The following ARHGAP24 variants were observed in gnomAD, a reference collection of about 807,000 sequenced individuals.
The protein encoded by ARHGAP24 is rho GTPase-activating protein 24.
ARHGAP24 carries 50 observed loss-of-function variants against 76.4 expected under a neutral mutation model. That is an observed-to-expected ratio of 0.65 (90% CI 0.52 to 0.83). ARHGAP24 has a LOEUF of 0.83. Ranked by LOEUF, ARHGAP24 falls within the 40% of genes least tolerant of loss-of-function variation. ARHGAP24 has a pLI of 0.00. For missense variants in ARHGAP24, 930 were observed against 914.2 expected (o/e 1.02, Z -0.22); for synonymous variants, 345 against 323.3 (o/e 1.07, Z -0.72).
intron 3 of ARHGAP24, among the ~76,000 whole-genome samples, chr4:85,818,652 C>T (rs12498568): frequency 0.12 from 19,013 of 152,144 alleles, 1,417 homozygotes; most frequent in South Asian, 0.19. Flanking sequence ...TCCCTCTGCT[C>T]CTGATATTGC....
chr4:85,906,464 C>T (rs1327615102), intron 3 of ARHGAP24, among the ~76,000 whole-genome samples: 1 of 152,180 alleles, frequency 6.6e-6, no homozygotes, highest in African/African-American at 2.4e-5. Flanking sequence ...TTAATTCTGA[C>T]ATTTTGCTCA....
intron 2 of ARHGAP24, among the ~76,000 whole-genome samples, chr4:85,655,627 C>G (rs1034858363): frequency 1.3e-5 from 2 of 151,614 alleles, no homozygotes; most frequent in South Asian, 2.1e-4. Flanking sequence ...ACTAAAAATA[C>G]AAAAATTAGC....
chr4:85,591,792 A>C (rs111349646), intron 2 of ARHGAP24, among the ~76,000 whole-genome samples: 1 of 152,168 alleles, frequency 6.6e-6, no homozygotes, highest in African/African-American at 2.4e-5. Flanking sequence ...AGTCAAAACT[A>C]TGTCAAAGGA....
intron 5 of ARHGAP24, among the ~76,000 whole-genome samples, chr4:85,959,181 C>T (rs925523616): frequency 1.3e-5 from 2 of 152,184 alleles, no homozygotes; most frequent in Non-Finnish European, 2.9e-5. Flanking sequence ...TTATTCATGC[C>T]TCCCCTTTTT....
intron 3 of ARHGAP24, among the ~76,000 whole-genome samples, chr4:85,887,369 A>G (rs1045728644): frequency 6.6e-6 from 1 of 152,126 alleles, no homozygotes; most frequent in Admixed American, 6.5e-5. Context: ...ATGTCTATTA[A>G]GAATTATTAA....
Position 85,510,336 on chromosome 4 carries a change from G to A in ARHGAP24, c.-21+34777G>A, listed in dbSNP as rs1313591951. On this transcript the variant is annotated intron_variant, in intron 1 of 9. Transcript: ENST00000395184. ...CCTGAGGAAAATATTTGCTATGCAT[G>A]CCAATGAACAGAAAGACCAAATTTC... Among the ~76,000 whole-genome samples, 3 of 152,058 alleles carry A rather than the reference G, an allele frequency of 2.0e-5. No individual in the cohort carries two copies. The East Asian group carries it at 5.8e-4, about 29-fold the overall frequency.
chr4:85,895,002 A>AAAAAAAAAAAAAAAAAAAAAAAAAAAAAC (rs1734090524), intron 3 of ARHGAP24, among the ~76,000 whole-genome samples: 1 of 11,528 alleles, frequency 8.7e-5, no homozygotes. Flanking sequence ...AACAAAAAGC[A>AAAAAAAAAAAAAAAAAAAAAAAAAAAAAC]AAAAAAAAAA....
intron 2 of ARHGAP24, among the ~76,000 whole-genome samples, chr4:85,689,709 G>A (rs977444932): frequency 1.3e-5 from 2 of 152,108 alleles, no homozygotes; most frequent in African/African-American, 4.8e-5. Context: ...TTAGTACATT[G>A]ACGATGTATC....
At chr4:85,714,345 T>G (rs1724653181) in intron 2 of ARHGAP24, among the ~76,000 whole-genome samples, 1 of 152,128 alleles carries the variant, frequency 6.6e-6, no homozygotes, top group South Asian at 2.1e-4. Flanking sequence ...CTCCTGTTAG[T>G]CTCCTAGGAT....
intron 8 of ARHGAP24, among the ~76,000 whole-genome samples, chr4:85,985,178 C>T (rs146684890): frequency 2.0e-5 from 3 of 152,034 alleles, no homozygotes; most frequent in Admixed American, 2.0e-4. Context: ...AAGACACATG[C>T]GTATGTATGT....
chr4:85,534,226 T>A (rs1288511770), intron 1 of ARHGAP24, among the ~76,000 whole-genome samples: 1 of 152,178 alleles, frequency 6.6e-6, no homozygotes, highest in African/African-American at 2.4e-5. Context: ...AAGTTTTGGG[T>A]AACTTGAAAA....
intron 2 of ARHGAP24, among the ~76,000 whole-genome samples, chr4:85,612,334 G>A (rs146762021): frequency 0.023 from 3,461 of 151,874 alleles, 125 homozygotes; most frequent in African/African-American, 0.08. Context: ...GGAGAATGGC[G>A]TGAACCTAGG....
At chr4:85,871,185 G>C (rs1178121971) in intron 3 of ARHGAP24, among the ~76,000 whole-genome samples, 1 of 152,080 alleles carries the variant, frequency 6.6e-6, no homozygotes, top group Non-Finnish European at 1.5e-5. Context: ...TCTAGGGGTA[G>C]GAGGGCTTTA....
intron 3 of ARHGAP24, among the ~76,000 whole-genome samples, chr4:85,847,043 T>C (rs1730934758): frequency 6.6e-6 from 1 of 152,202 alleles, no homozygotes. Context: ...TATAGAGCTT[T>C]ATGAATTATG....
intron 2 of ARHGAP24, among the ~76,000 whole-genome samples, chr4:85,697,829 G>T (rs1723926411): frequency 6.6e-6 from 1 of 152,162 alleles, no homozygotes; most frequent in Non-Finnish European, 1.5e-5. Context: ...AGGCAGGAAA[G>T]GGAAGCCTGC....
intron 2 of ARHGAP24, among the ~76,000 whole-genome samples, chr4:85,684,991 T>C (rs999166297): frequency 6.6e-6 from 1 of 152,188 alleles, no homozygotes; most frequent in Non-Finnish European, 1.5e-5. Flanking sequence ...GGCAATTTTG[T>C]ATTTTGTGAT....
chr4:85,858,259 A>G (rs932451425), intron 3 of ARHGAP24, among the ~76,000 whole-genome samples: 14 of 152,180 alleles, frequency 9.2e-5, no homozygotes, highest in Admixed American at 5.2e-4. Context: ...GCAACAGGGA[A>G]CATAAGCTGA....
intron 2 of ARHGAP24, among the ~76,000 whole-genome samples, chr4:85,659,112 TC>T (rs11320647): frequency 0.028 from 4,299 of 152,232 alleles, 188 homozygotes; most frequent in African/African-American, 0.097. Context: ...ACCACAGATA[TC>T]TCGTGGGTAG....
intron 3 of ARHGAP24, among the ~76,000 whole-genome samples, chr4:85,885,924 A>T (rs1158758591): frequency 6.6e-6 from 1 of 152,188 alleles, no homozygotes; most frequent in Non-Finnish European, 1.5e-5. Context: ...TAGAATAGGA[A>T]TCCCGCACAG....
Sources: gnomAD v4.1 joint callset for allele counts (sites outside exome capture counted in the v4.1 genomes callset) on GRCh38, gnomAD v4.1.1 for gene constraint, MANE v1.5 for transcripts, NCBI Gene and HGNC (gene_info 2026-07-23, HGNC 2026-07-21) for gene names.